Variants in SOX6 observed in about 807,000 individuals in gnomAD.
SOX6 encodes transcription factor SOX-6.
SOX6 carries 11 observed loss-of-function variants against 97.8 expected under a neutral mutation model. The observed-to-expected ratio is 0.11, with a 90% CI of 0.07 to 0.19. The LOEUF is 0.19. Ranked by LOEUF, SOX6 falls within the 10% of genes least tolerant of loss-of-function variation. The probability of loss-of-function intolerance (pLI) is 1.00; values close to 1 mark genes in which losing one functional copy is unlikely to be tolerated. For missense variants in SOX6, 810 were observed against 1,039.5 expected, an observed-to-expected ratio of 0.78 and a Z score of 3.04; for synonymous variants, 360 against 371.4, an observed-to-expected ratio of 0.97 and a Z score of 0.35.
chr11:16,375,967 GA>G (rs1197057201), intron 1 of SOX6, among the ~76,000 whole-genome samples: 1 of 152,090 alleles, frequency 6.6e-6, no homozygotes, highest in Admixed American at 6.6e-5. Context: ...TCATAAGTGG[GA>G]GTTGAACAAT....
intron 3 of SOX6, among the ~76,000 whole-genome samples, chr11:16,278,502 G>C (rs1854464773): frequency 6.6e-6 from 1 of 152,064 alleles, no homozygotes. Flanking sequence ...AGAGCTCATA[G>C]CGTAGACGCC....
At chr11:16,357,271 G>A (rs1696689864), upstream of SOX6, among the ~76,000 whole-genome samples, 1 of 152,034 alleles carries the variant, frequency 6.6e-6, no homozygotes, top group Admixed American at 6.6e-5. Context: ...TAGGCACCCT[G>A]GCCAGCTTTA....
chr11:16,172,350 C>T (rs1367380027), intron 6 of SOX6, among the ~76,000 whole-genome samples: 1 of 152,050 alleles, frequency 6.6e-6, no homozygotes, highest in Admixed American at 6.6e-5. Context: ...ATTATATAGC[C>T]GTAATGTCAG....
intron 4 of SOX6, among the ~76,000 whole-genome samples, chr11:16,600,423 G>T (rs1193170628): frequency 6.6e-6 from 1 of 152,186 alleles, no homozygotes; most frequent in Non-Finnish European, 1.5e-5. Context: ...TGAAGGATTT[G>T]CAGTTAGGAA....
intron 4 of SOX6, among the ~76,000 whole-genome samples, chr11:16,496,019 T>A (rs1254435326): frequency 6.6e-6 from 1 of 152,196 alleles, no homozygotes; most frequent in Non-Finnish European, 1.5e-5. Context: ...CACAAATGCA[T>A]GTACCCAGGA....
At chr11:16,536,781 G>A (rs1861315098) in intron 4 of SOX6, among the ~76,000 whole-genome samples, 1 of 152,178 alleles carries the variant, frequency 6.6e-6, no homozygotes, top group South Asian at 2.1e-4. Flanking sequence ...GCTTGAGTAG[G>A]TAAACAAAGC....
intron 12 of SOX6, among the ~76,000 whole-genome samples, chr11:16,019,765 T>C (rs894660666): frequency 6.6e-6 from 1 of 152,174 alleles, no homozygotes; most frequent in African/African-American, 2.4e-5. Context: ...TGTGGAATGA[T>C]AAGGAATTTT....
intron 4 of SOX6, among the ~76,000 whole-genome samples, chr11:16,217,618 C>T (rs1852412059): frequency 6.6e-6 from 1 of 152,156 alleles, no homozygotes; most frequent in African/African-American, 2.4e-5. Context: ...TTCTAGCCAA[C>T]TTTAAAATCA....
In SOX6 at chr11:15,989,091, T is replaced by C. The variant is rs768677877; in HGVS notation, c.1872A>G (p.Pro624=). Residue 624 remains proline, a synonymous_variant, in exon 14 of 16, where the codon CCA becomes CCG. Coordinates refer to ENST00000683767, the MANE Select transcript of SOX6 (RefSeq NM_001367873.1). The part of the protein sequence containing the change: ...RASSEPHIKR[P]MNAFMVWAKD... Reference sequence around the variant, plus strand: ...TTGCCCAAACCATGAATGCATTCATTGGTCGCTTAATGTGTGGCTCGCTGC... The same window carrying C: ...TTGCCCAAACCATGAATGCATTCATCGGTCGCTTAATGTGTGGCTCGCTGC... 6.2e-7 allele frequency: 1 copy of C among 1,614,206 alleles called. No individual in the cohort carries two copies. Among genetic ancestry groups the C allele is most frequent in the Non-Finnish European group, 8.5e-7 (1 of 1,180,014 alleles).
At chr11:16,223,042 G>C (rs1519125) in intron 4 of SOX6, among the ~76,000 whole-genome samples, 64,381 of 151,880 alleles carry the variant, frequency 0.42, 13,925 homozygotes, top group South Asian at 0.6. Flanking sequence ...CACAGTCAAC[G>C]TCTGTTAACA....
At chr11:16,579,428 C>T (rs1490066017) in intron 4 of SOX6, among the ~76,000 whole-genome samples, 1 of 151,968 alleles carries the variant, frequency 6.6e-6, no homozygotes, top group Non-Finnish European at 1.5e-5. Flanking sequence ...AAGGTTCTCA[C>T]ATTCCTCTTC....
At chr11:16,384,801 A>G (rs1484162283) in intron 1 of SOX6, among the ~76,000 whole-genome samples, 1 of 152,036 alleles carries the variant, frequency 6.6e-6, no homozygotes, top group Non-Finnish European at 1.5e-5. Flanking sequence ...AGCAAATTAA[A>G]TATCAGAAAA....
At chr11:16,551,475 A>G (rs1847685534) in intron 4 of SOX6, among the ~76,000 whole-genome samples, 1 of 152,162 alleles carries the variant, frequency 6.6e-6, no homozygotes, top group Non-Finnish European at 1.5e-5. Flanking sequence ...ATTGTCTCCA[A>G]TCTACAAGTC....
At chr11:16,076,839 C>A (rs897297149) in intron 9 of SOX6, among the ~76,000 whole-genome samples, 1 of 149,546 alleles carries the variant, frequency 6.7e-6, no homozygotes, top group African/African-American at 2.5e-5. Context: ...CTGCAAGCTC[C>A]GCTTCCCGGG....
intron 15 of SOX6, among the ~76,000 whole-genome samples, chr11:15,983,675 T>C (rs745865766): frequency 1.1e-4 from 16 of 152,098 alleles, no homozygotes; most frequent in Non-Finnish European, 1.6e-4. Context: ...AAATAACACC[T>C]GGCTCTACAT....
At chr11:16,548,418 T>A (rs985257713) in intron 4 of SOX6, among the ~76,000 whole-genome samples, 9 of 152,116 alleles carry the variant, frequency 5.9e-5, no homozygotes, top group Admixed American at 5.9e-4. Flanking sequence ...TCGTGAATAA[T>A]TGGAGCTCCA....
rs554399996 is a variant in SOX6 at position 16,257,761 on chromosome 11, G to T, written c.446-23090C>A. On this transcript the variant is annotated intron_variant, in intron 3 of 15. Transcript: ENST00000683767. ...CTGTGAAAGACACTGTTAAGATAAT[G>T]AAAAAACATGCCACAGACTGGGAAA... Among the ~76,000 whole-genome samples the T allele has an allele frequency of 2.6e-5, 4 of 151,770 alleles. No individual in the cohort carries two copies. The South Asian group carries it at 8.3e-4, about 31-fold the overall frequency.
chr11:15,983,762 T>G (rs1223000153), intron 15 of SOX6, among the ~76,000 whole-genome samples: 1 of 152,154 alleles, frequency 6.6e-6, no homozygotes, highest in African/African-American at 2.4e-5. Context: ...GATCATTGCC[T>G]GCACTTCAGT....
chr11:16,009,484 T>C (rs2133855688), intron 13 of SOX6, among the ~76,000 whole-genome samples: 1 of 152,122 alleles, frequency 6.6e-6, no homozygotes, highest in South Asian at 2.1e-4. Context: ...ATTGGTAGGG[T>C]CTAGAAGTCA....
Sources: gnomAD v4.1 joint callset for allele counts (sites outside exome capture counted in the v4.1 genomes callset) on GRCh38, gnomAD v4.1.1 for gene constraint, MANE v1.5 for transcripts, NCBI Gene and HGNC (gene_info 2026-07-23, HGNC 2026-07-21) for gene names.